ETS1: variants seen among roughly 807,000 people sequenced by gnomAD.
ETS1 encodes the protein ETS proto-oncogene 1, transcription factor.
In ETS1, 15 loss-of-function variants were observed where a neutral mutation model predicts 58.6. That is an observed-to-expected ratio of 0.26 (90% CI 0.17 to 0.39). The LOEUF is 0.39. Among genes scored for constraint, ETS1 ranks in the 10% least tolerant of loss-of-function variants. The pLI is 1.00. For missense variants in ETS1, 417 were observed against 610.5 expected (o/e 0.68, Z 3.34); for synonymous variants, 214 against 218.2 (o/e 0.98, Z 0.17).
At chr11:128,553,639 A>G (rs1864266619) in intron 3 of ETS1, among the ~76,000 whole-genome samples, 1 of 151,512 alleles carries the variant, frequency 6.6e-6, no homozygotes, top group African/African-American at 2.4e-5. Context: ...TCTTTCCCTC[A>G]TTCATACTTT....
chr11:128,506,002 G>T (rs1863219592), intron 3 of ETS1, among the ~76,000 whole-genome samples: 1 of 152,214 alleles, frequency 6.6e-6, no homozygotes. Flanking sequence ...TGGTGAGGAA[G>T]GAGGGACTGA....
chr11:128,531,416 C>T (rs1044858476), intron 3 of ETS1, among the ~76,000 whole-genome samples: 5 of 152,280 alleles, frequency 3.3e-5, no homozygotes, highest in African/African-American at 9.6e-5. Flanking sequence ...ATTGTGACTT[C>T]GGATTTAGTG....
chr11:128,584,692 A>T (rs1481496766), intron 1 of ETS1, among the ~76,000 whole-genome samples: 2 of 152,278 alleles, frequency 1.3e-5, no homozygotes, highest in African/African-American at 4.8e-5. Context: ...GATAAAGGAG[A>T]TGAGGAAGCA....
chr11:128,490,995 T>C lies in ETS1; in HGVS notation c.215-419A>G, dbSNP rs191284878. On this transcript the variant is annotated intron_variant, in intron 3 of 9. Transcript: ENST00000392668. Reference sequence around the variant, plus strand: ...TCGGCCTCCCAAAGTGCTGGGATCATAGGCATGAGCCACTGTGCCAGCATG... The same window carrying C: ...TCGGCCTCCCAAAGTGCTGGGATCACAGGCATGAGCCACTGTGCCAGCATG... Among the ~76,000 whole-genome samples the C allele has an allele frequency of 3.1e-3, 472 of 152,200 alleles. 11 individuals carry two copies. Among genetic ancestry groups the C allele is most frequent in the Admixed American group, 0.026 (400 of 15,280 alleles).
At chr11:128,471,974 C>T (rs1862199541) in intron 8 of ETS1, among the ~76,000 whole-genome samples, 1 of 152,148 alleles carries the variant, frequency 6.6e-6, no homozygotes, top group African/African-American at 2.4e-5. Context: ...GAACTAGATC[C>T]TAAGTGATCA....
intron 3 of ETS1, among the ~76,000 whole-genome samples, chr11:128,509,987 T>A (rs1863349662): frequency 1.3e-5 from 2 of 152,364 alleles, no homozygotes; most frequent in Admixed American, 1.3e-4. Context: ...TTAGCTTCAC[T>A]TCTCTCACTC....
At chr11:128,511,339 A>C (rs1318060995) in intron 3 of ETS1, among the ~76,000 whole-genome samples, 1 of 152,240 alleles carries the variant, frequency 6.6e-6, no homozygotes, top group African/African-American at 2.4e-5. Flanking sequence ...TATTTCTCAA[A>C]GTCCAAAGTC....
At chr11:128,503,158 TAA>T (rs1464829275) in intron 3 of ETS1, among the ~76,000 whole-genome samples, 1 of 152,232 alleles carries the variant, frequency 6.6e-6, no homozygotes, top group African/African-American at 2.4e-5. Flanking sequence ...TATACAAATC[TAA>T]ATAAGATTTT....
chr11:128,553,939 AT>A (rs1345067745), intron 3 of ETS1, among the ~76,000 whole-genome samples: 1 of 152,156 alleles, frequency 6.6e-6, no homozygotes, highest in Non-Finnish European at 1.5e-5. Flanking sequence ...ATAAAAGAAG[AT>A]GAAAAAAATG....
At chr11:128,568,605 G>A (rs1383837164) in intron 2 of ETS1, among the ~76,000 whole-genome samples, 2 of 152,126 alleles carry the variant, frequency 1.3e-5, no homozygotes, top group Non-Finnish European at 2.9e-5. Flanking sequence ...GCCTCCTGAA[G>A]GGCTGACCTT....
chr11:128,524,906 A>C (rs1022405998), intron 3 of ETS1, among the ~76,000 whole-genome samples: 3 of 152,048 alleles, frequency 2.0e-5, no homozygotes, highest in African/African-American at 7.2e-5. Flanking sequence ...CCCAGCACTC[A>C]CGTCCACTCG....
intron 3 of ETS1, among the ~76,000 whole-genome samples, chr11:128,552,847 C>T (rs1359857932): frequency 1.3e-5 from 2 of 152,180 alleles, no homozygotes; most frequent in Admixed American, 1.3e-4. Context: ...GTGTATCCAA[C>T]AGGACTGTGG....
At chr11:128,525,039 A>T (rs1863773721) in intron 3 of ETS1, among the ~76,000 whole-genome samples, 1 of 152,116 alleles carries the variant, frequency 6.6e-6, no homozygotes, top group Non-Finnish European at 1.5e-5. Flanking sequence ...GAAAAAAAAA[A>T]ATCAATCAAA....
chr11:128,460,256 T>G lies in ETS1; in HGVS notation c.*2105A>C, dbSNP rs1461861765. 1 of 152,776 alleles carries G rather than the reference T, an allele frequency of 6.5e-6. No homozygotes were observed. Among genetic ancestry groups the G allele is most frequent in the Non-Finnish European group, 1.5e-5 (1 of 68,046 alleles). 9.5% of individuals were successfully genotyped at this position (152,776 alleles called of 1,614,324 possible). A position where few individuals can be genotyped will look rare whatever the true frequency, so the allele number is the denominator to read the frequency against. ...GCAGCTCCTAAAATATTTTGAGAGC[T>G]TCATTAAGGCACCTGCATCCAAAAG... On this transcript the variant is annotated 3_prime_UTR_variant, in exon 10 of 10. Transcript: ENST00000392668.
Position 128,523,918 on chromosome 11 carries a change from CA to C in ETS1, c.214+32372del, listed in dbSNP as rs397745696. Among the ~76,000 whole-genome samples, 1,023 of 142,846 alleles carry C rather than the reference CA, an allele frequency of 7.2e-3. 13 individuals carry two copies. The highest frequency in any genetic ancestry group is 0.025 in the African/African-American group (939 of 38,174). The allele number at this position is 142,846 out of a possible 152,430, so 93.7% of individuals were successfully genotyped here. ...TACATTTACACGTCCAAATGAACCA[CA>C]AAAAAAAAAAGGTTCTTGAATCAAT... On this transcript the variant is annotated intron_variant, in intron 3 of 9. Transcript: ENST00000392668.
intron 3 of ETS1, among the ~76,000 whole-genome samples, chr11:128,510,944 TAG>T (rs1863377506): frequency 6.6e-6 from 1 of 152,256 alleles, no homozygotes; most frequent in Non-Finnish European, 1.5e-5. Flanking sequence ...CACATTGTTT[TAG>T]AGAGATAATC....
At position 128,571,521 on chromosome 11, in the gene ETS1, A is replaced by ACTCCGTC. The variant is rs1864633349; in HGVS notation, c.69+1540_69+1541insGACGGAG. ...TCCGTCAAAAAAAAAAAAAAAAAAA[A>ACTCCGTC]AAAAAAAAAAAAAAAAAAAAAACTT... On this transcript the variant is annotated intron_variant, in intron 2 of 9. Coordinates refer to ENST00000392668, the MANE Select transcript of ETS1 (RefSeq NM_001143820.2). Among the ~76,000 whole-genome samples the ACTCCGTC allele has an allele frequency of 2.1e-4, 28 of 134,842 alleles. 4 individuals carry two copies. Among genetic ancestry groups the ACTCCGTC allele is most frequent in the African/African-American group, 8.8e-4 (27 of 30,544 alleles). 88.5% of individuals were successfully genotyped at this position (134,842 alleles called of 152,430 possible). A position where few individuals can be genotyped will look rare whatever the true frequency, so the allele number is the denominator to read the frequency against.
chr11:128,527,069 A>G (rs1257723735), intron 3 of ETS1: 1 of 429,308 alleles, frequency 2.3e-6, no homozygotes, highest in Non-Finnish European at 4.7e-6. Flanking sequence ...GACACAAGAC[A>G]GGATACAATG....
At chr11:128,538,131 G>GA (rs879879407) in intron 3 of ETS1, among the ~76,000 whole-genome samples, 3 of 150,302 alleles carry the variant, frequency 2.0e-5, no homozygotes, top group Admixed American at 6.6e-5. Context: ...CAAGAAAAGT[G>GA]AAAAAAAAAT....
Sources: allele counts gnomAD v4.1 joint callset (sites outside exome capture counted in the v4.1 genomes callset), GRCh38; gene constraint gnomAD v4.1.1; transcripts MANE v1.5; gene names NCBI Gene and HGNC (gene_info 2026-07-23, HGNC 2026-07-21).